Variants in THSD7B observed in about 807,000 individuals in gnomAD.
THSD7B encodes thrombospondin type-1 domain-containing protein 7B.
Under a neutral mutation model 213.6 loss-of-function variants are expected in THSD7B, and 138 were observed. The ratio of observed to expected loss-of-function variants is 0.65; its 90% CI spans 0.56 to 0.74. The LOEUF (loss-of-function observed/expected upper bound fraction) is 0.74, where lower values mean the gene tolerates loss of function less well. THSD7B is among the 30% of genes least tolerant of loss of function. The pLI is 0.00. For synonymous variants in THSD7B, 742 were observed against 687.0 expected (o/e 1.08, Z -1.25); for missense variants, 1,931 against 1,991.5 (o/e 0.97, Z 0.58).
chr2:137,499,278 T>C (rs1056487004), intron 15 of THSD7B, among the ~76,000 whole-genome samples: 2 of 152,202 alleles, frequency 1.3e-5, no homozygotes, highest in African/African-American at 4.8e-5. Flanking sequence ...GTCTCAATGG[T>C]TCATTGTAAA....
chr2:136,922,130 C>T (rs1272375550), intron 2 of THSD7B, among the ~76,000 whole-genome samples: 2 of 152,218 alleles, frequency 1.3e-5, no homozygotes, highest in African/African-American at 4.8e-5. Flanking sequence ...TATGAGCAAA[C>T]AAGTCCAGAG....
intron 1 of THSD7B, among the ~76,000 whole-genome samples, chr2:136,873,457 G>A (rs1412357141): frequency 2.0e-5 from 3 of 152,130 alleles, no homozygotes; most frequent in Non-Finnish European, 2.9e-5. Flanking sequence ...TTGCAAGGCC[G>A]GAGGTTGTTC....
intron 3 of THSD7B, among the ~76,000 whole-genome samples, chr2:137,060,100 G>A (rs1192227241): frequency 3.3e-5 from 5 of 151,970 alleles, no homozygotes; most frequent in Admixed American, 6.6e-5. Flanking sequence ...TTTAAATTGC[G>A]ATTCCTTAAT....
intron 4 of THSD7B, among the ~76,000 whole-genome samples, chr2:137,109,004 T>C (rs1174930371): frequency 6.6e-6 from 1 of 152,190 alleles, no homozygotes; most frequent in East Asian, 1.9e-4. Flanking sequence ...TTTGGAATCA[T>C]CCATCACTAC....
chr2:137,588,624 T>A (rs962239985), intron 17 of THSD7B, among the ~76,000 whole-genome samples: 3 of 151,998 alleles, frequency 2.0e-5, no homozygotes, highest in Non-Finnish European at 4.4e-5. Flanking sequence ...CCAGCACACA[T>A]AGATTTTTTT....
At chr2:137,159,902 T>A (rs954604815) in intron 5 of THSD7B, among the ~76,000 whole-genome samples, 1 of 152,152 alleles carries the variant, frequency 6.6e-6, no homozygotes, top group Non-Finnish European at 1.5e-5. Context: ...TTTAATTTTT[T>A]AAAAAGTCAT....
intron 5 of THSD7B, among the ~76,000 whole-genome samples, chr2:137,125,097 A>T (rs2104947313): frequency 6.6e-6 from 1 of 152,200 alleles, no homozygotes. Flanking sequence ...GGGCATTTAC[A>T]ATTTAGTTTT....
intron 2 of THSD7B, among the ~76,000 whole-genome samples, chr2:136,966,247 T>G (rs960859903): frequency 9.9e-5 from 15 of 151,822 alleles, no homozygotes; most frequent in Admixed American, 6.6e-5. Flanking sequence ...AGACAGGGTT[T>G]CAGTCTGTTG....
At chr2:136,932,812 C>T (rs1042869785) in intron 2 of THSD7B, among the ~76,000 whole-genome samples, 10 of 151,958 alleles carry the variant, frequency 6.6e-5, no homozygotes, top group African/African-American at 2.4e-4. Context: ...TGTTCAAGGT[C>T]AGCTGTTCAG....
chr2:136,969,686 G>T (rs1441282769), intron 2 of THSD7B, among the ~76,000 whole-genome samples: 1 of 152,130 alleles, frequency 6.6e-6, no homozygotes, highest in Non-Finnish European at 1.5e-5. Context: ...TGTTCCCAGG[G>T]CACATTAGGC....
intron 2 of THSD7B, among the ~76,000 whole-genome samples, chr2:136,919,550 T>C (rs2105032696): frequency 6.6e-6 from 1 of 152,362 alleles, no homozygotes; most frequent in African/African-American, 2.4e-5. Flanking sequence ...AAATCTAGGA[T>C]TGTGGCAGGC....
chr2:137,560,548 A>T, intron 15 of THSD7B, among the ~76,000 whole-genome samples: 1 of 151,808 alleles, frequency 6.6e-6, no homozygotes, highest in African/African-American at 2.4e-5. Context: ...AACATCACAC[A>T]CCGGGGCCTG....
chr2:137,231,201 C>G lies in THSD7B; in HGVS notation c.1881C>G (p.Thr627=), dbSNP rs376946769. 1.2e-6 allele frequency: 2 copies of G among 1,612,632 alleles called. No individual in the cohort carries two copies. The highest frequency in any genetic ancestry group is 1.1e-5 in the South Asian group (1 of 90,812). The change falls in exon 8 of 28, where the codon ACC becomes ACG. Residue 627 remains threonine, a synonymous_variant. Transcript: ENST00000409968. ...CSNKNSDGKQ[T]RSRTILALAG... ...ATAAAAACTCAGATGGGAAACAGAC[C>G]AGGTCAAGAACTATCCTGGCACTGG...
At chr2:137,479,730 G>C (rs1175548151) in intron 15 of THSD7B, among the ~76,000 whole-genome samples, 1 of 152,194 alleles carries the variant, frequency 6.6e-6, no homozygotes, top group Non-Finnish European at 1.5e-5. Flanking sequence ...GGGAATATCA[G>C]TAGGACTTCA....
In THSD7B at chr2:137,405,704, C is replaced by T. The variant is rs368402562; in HGVS notation, c.2592C>T (p.Cys864=). ...GCATGCCTCTCCTTGTGCAAGAATGCACAGTCCCATGTCGAGAAGACTGCA... is the reference window on the plus strand; with the variant it reads ...GCATGCCTCTCCTTGTGCAAGAATGTACAGTCCCATGTCGAGAAGACTGCA... ...TNGMPLLVQE[C]TVPCREDCTF... Residue 864 remains cysteine (C), a synonymous_variant, in exon 13 of 28, where the codon TGC becomes TGT. Transcript: ENST00000409968. The T allele has an allele frequency of 5.6e-6, 9 of 1,613,662 alleles. No individual in the cohort carries two copies. The African/African-American group carries it at 1.2e-4, about 22-fold the overall frequency.
At position 137,619,550 on chromosome 2, in the gene THSD7B, T is replaced by C. The variant is rs569468847; in HGVS notation, c.3681+1043T>C. On this transcript the variant is annotated intron_variant, in intron 19 of 27. Coordinates refer to ENST00000409968, the MANE Select transcript of THSD7B (RefSeq NM_001316349.2). ...GATTTATTTTAACATTTATTTTATT[T>C]AATCAGCCTCTAAAGAAGTTGTCTG... Among the ~76,000 whole-genome samples the C allele has an allele frequency of 1.6e-4, 24 of 152,352 alleles. 1 individual carries two copies. The South Asian group carries it at 4.8e-3, about 30-fold the overall frequency.
chr2:137,628,060 G>C (rs1682665456), intron 20 of THSD7B, among the ~76,000 whole-genome samples: 1 of 152,144 alleles, frequency 6.6e-6, no homozygotes, highest in South Asian at 2.1e-4. Flanking sequence ...TTTTTGTTTT[G>C]AGAATTAAAT....
chr2:137,113,296 C>T (rs1688384587), intron 4 of THSD7B, among the ~76,000 whole-genome samples: 1 of 152,132 alleles, frequency 6.6e-6, no homozygotes, highest in African/African-American at 2.4e-5. Flanking sequence ...AGGGTAAGGA[C>T]TGACTCTGTG....
At chr2:137,416,791 A>G (rs1686808719) in intron 14 of THSD7B, among the ~76,000 whole-genome samples, 2 of 152,240 alleles carry the variant, frequency 1.3e-5, no homozygotes, top group Non-Finnish European at 2.9e-5. Context: ...AGCACAGAAA[A>G]CCTTGTTCTA....
Sources: allele counts gnomAD v4.1 joint callset (sites outside exome capture counted in the v4.1 genomes callset), GRCh38; gene constraint gnomAD v4.1.1; transcripts MANE v1.5; gene names NCBI Gene and HGNC (gene_info 2026-07-23, HGNC 2026-07-21).